Variants in SRCAP observed in about 807,000 individuals in gnomAD.
SRCAP encodes the protein Snf2 related CREBBP activator protein, also known as chromatin remodeling protein SRCAP.
In SRCAP, 46 loss-of-function variants were observed where a neutral mutation model predicts 263.1. That is an observed-to-expected ratio of 0.17 (90% confidence interval 0.14 to 0.22). SRCAP has a LOEUF of 0.22. SRCAP is among the 10% of genes least tolerant of loss of function. SRCAP has a pLI of 1.00. For missense variants in SRCAP, 3,695 were observed against 4,181.9 expected (o/e 0.88, Z 3.21); for synonymous variants, 1,813 against 1,662.1 (o/e 1.09, Z -2.21).
chr16:30,739,883 A>AATGATAC lies in SRCAP; in HGVS notation c.*150_*151insATGATAC. The AATGATAC allele has an allele frequency of 8.0e-7, 1 of 1,252,022 alleles. No individual in the cohort carries two copies. 77.6% of individuals were successfully genotyped at this position (1,252,022 alleles called of 1,614,324 possible). The stretch of plus-strand genomic sequence containing the variant: ...CCTTCTTCCCACCAAAGTAGGGGGT[A>AATGATAC]GGCAACTGGTTGTCATGGAAATGGG... On this transcript the variant is annotated 3_prime_UTR_variant, in exon 34 of 34. Coordinates refer to ENST00000262518, the MANE Select transcript of SRCAP (RefSeq NM_006662.3).
intron 11 of SRCAP, 34 bp downstream of exon 11, chr16:30,711,778 G>A: frequency 4.3e-6 from 7 of 1,610,036 alleles, no homozygotes; most frequent in Non-Finnish European, 5.9e-6. Flanking sequence ...GAGCTGGGGA[G>A]GGTGGCCATT....
intron 18 of SRCAP, among the ~76,000 whole-genome samples, 186 bp downstream of exon 18, chr16:30,716,665 G>A (rs902245770): frequency 6.6e-6 from 1 of 152,126 alleles, no homozygotes; most frequent in Non-Finnish European, 1.5e-5. Context: ...TGACTTCACT[G>A]TGAATTTATC....
chr16:30,719,933 G>A (rs2052993396), intron 18 of SRCAP, among the ~76,000 whole-genome samples: 1 of 152,096 alleles, frequency 6.6e-6, no homozygotes, highest in African/African-American at 2.4e-5. Context: ...TACTCAACTG[G>A]TAGTTTTTCA....
In SRCAP at chr16:30,712,088, A is replaced by G. The variant is rs2151288573; in HGVS notation, c.1746A>G (p.Lys582=). 1 of 1,614,136 alleles carries G rather than the reference A, an allele frequency of 6.2e-7. No homozygotes were observed. Among genetic ancestry groups the G allele is most frequent in the Non-Finnish European group, 8.5e-7 (1 of 1,180,026 alleles). ...TPGPTTLGPK[K]EITDIAAAAE... ...GGCCCACTACTCTAGGTCCAAAGAA[A>G]GAAATTACTGACATTGCTGCAGCAG... Residue 582 remains lysine, a synonymous_variant, in exon 12 of 34, where the codon AAA becomes AAG. Coordinates refer to ENST00000262518, the MANE Select transcript of SRCAP (RefSeq NM_006662.3).
Position 30,729,060 on chromosome 16 carries a change from A to T in SRCAP, c.5753A>T (p.Tyr1918Phe). 6.2e-7 allele frequency: 1 copy of T among 1,614,176 alleles called. No homozygotes were observed. Among genetic ancestry groups the T allele is most frequent in the Non-Finnish European group, 8.5e-7 (1 of 1,180,034 alleles). ...GCTCATGGGGCCCTGGCACCTGTGT[A>T]TGGGACTGAAGTCCTGGATTTCTGT... ...SEAHGALAPVYGTEVLDFCTL... is the reference protein window; with the variant it reads ...SEAHGALAPVFGTEVLDFCTL... The change falls in exon 26 of 34, where the codon TAT (tyrosine) becomes TTT (phenylalanine). Residue 1918 changes from tyrosine (Y) to phenylalanine (F), a missense_variant. Physicochemically the swap from Tyr to Phe is conservative, Grantham distance 22. Transcript: ENST00000262518.
intron 5 of SRCAP, 69 bp from the exon 6 acceptor site, chr16:30,707,503 T>C (rs2052840792): frequency 6.2e-7 from 1 of 1,606,452 alleles, no homozygotes; most frequent in African/African-American, 1.3e-5. Flanking sequence ...TGGCCTTGAT[T>C]ATTTTCTTTG....
chr16:30,716,248 T>A, intron 17 of SRCAP, 45 bp from the exon 18 acceptor site: 1 of 1,613,486 alleles, frequency 6.2e-7, no homozygotes, highest in Non-Finnish European at 8.5e-7. Context: ...GATTGGAGTG[T>A]AGGTGGCTGT....
chr16:30,714,663 G>A (rs937129734), intron 16 of SRCAP, among the ~76,000 whole-genome samples: 1 of 151,944 alleles, frequency 6.6e-6, no homozygotes, highest in Non-Finnish European at 1.5e-5. Flanking sequence ...ACGATGCCTA[G>A]CTAATGTTTG....
intron 25 of SRCAP, among the ~76,000 whole-genome samples, chr16:30,728,146 C>A (rs1039386779): frequency 1.3e-5 from 2 of 152,188 alleles, no homozygotes; most frequent in Non-Finnish European, 2.9e-5. Context: ...TGGAACACTC[C>A]TCTTTTCACA....
At chr16:30,713,901 T>TC (rs1179665786) in intron 16 of SRCAP, among the ~76,000 whole-genome samples, 190 bp downstream of exon 16, 1 of 36,772 alleles carries the variant, frequency 2.7e-5, no homozygotes, top group East Asian at 0.015. Context: ...ATCAATTCTG[T>TC]TTTTTTTTTT....
At chr16:30,706,946 T>C (rs940992259) in intron 4 of SRCAP, among the ~76,000 whole-genome samples, 2 of 152,206 alleles carry the variant, frequency 1.3e-5, no homozygotes, top group African/African-American at 4.8e-5. Flanking sequence ...TTTCTATTAC[T>C]TTCTAGCTGT....
In SRCAP at chr16:30,738,912, G is replaced by A. The variant is rs139049132; in HGVS notation, c.8872G>A (p.Gly2958Arg). The part of the protein sequence containing the change: ...LPIPGTISSA[G>R]DGNSESRTQP... ...CATCCCTGGGACCATTTCCTCTGCAGGGGATGGCAACTCCGAAAGTCGGAC... is the reference window on the plus strand; with the variant it reads ...CATCCCTGGGACCATTTCCTCTGCAAGGGATGGCAACTCCGAAAGTCGGAC... Residue 2958 changes from glycine to arginine, a missense_variant, in exon 34 of 34, where the codon GGG (glycine) becomes AGG (arginine). Physicochemically the swap from Gly to Arg is moderately radical, Grantham distance 125. Coordinates refer to ENST00000262518, the MANE Select transcript of SRCAP (RefSeq NM_006662.3). 1 of 1,614,138 alleles carries A rather than the reference G, an allele frequency of 6.2e-7. No individual in the cohort carries two copies. Among genetic ancestry groups the A allele is most frequent in the Non-Finnish European group, 8.5e-7 (1 of 1,180,026 alleles).
chr16:30,726,826 G>T (rs976082590), intron 25 of SRCAP, among the ~76,000 whole-genome samples: 1 of 152,056 alleles, frequency 6.6e-6, no homozygotes, highest in Non-Finnish European at 1.5e-5. Context: ...TCATCTTCCC[G>T]AGTGGCTGGG....
Position 30,709,971 on chromosome 16 carries a change from G to A in SRCAP, c.977G>A (p.Arg326His), listed in dbSNP as rs778738758. 52 of 1,614,098 alleles carry A rather than the reference G, an allele frequency of 3.2e-5. No homozygotes were observed. The highest frequency in any genetic ancestry group is 1.3e-4 in the South Asian group (12 of 91,086). Residue 326 changes from arginine to histidine, a missense_variant, in exon 8 of 34, where the codon CGT (arginine) becomes CAT (histidine). By Grantham distance (29) the Arg-to-His change is conservative (BLOSUM62 0). Transcript: ENST00000262518. Reference sequence around the variant, plus strand: ...AGGCGTGAGATTGAGCTGCTTCGCCGTGAGGGAGAATTGCCACTGGAAGAG... The same window carrying A: ...AGGCGTGAGATTGAGCTGCTTCGCCATGAGGGAGAATTGCCACTGGAAGAG... ...AQRREIELLR[R>H]EGELPLEELL...
At chr16:30,700,587 CT>C (rs746816750) in intron 2 of SRCAP, 28 bp from the exon 3 acceptor site, 72,808 of 342,046 alleles carry the variant, frequency 0.21, 1,324 homozygotes, top group African/African-American at 0.28. Flanking sequence ...GCATTTCTGT[CT>C]TTTTTTTTTT....
At chr16:30,735,169 C>T (rs1443177630) in intron 31 of SRCAP, among the ~76,000 whole-genome samples, 1 of 115,160 alleles carries the variant, frequency 8.7e-6, no homozygotes. Flanking sequence ...TTTTTTGAGA[C>T]GGAGTCTCGC....
intron 18 of SRCAP, among the ~76,000 whole-genome samples, chr16:30,717,463 T>C (rs1003459136): frequency 5.9e-5 from 9 of 151,980 alleles, no homozygotes; most frequent in Admixed American, 1.3e-4. Flanking sequence ...GTTTTTTTTT[T>C]CGAGACAAGG....
chr16:30,721,510 A>G lies in SRCAP; in HGVS notation c.3541+34A>G, dbSNP rs764418462. The G allele has an allele frequency of 1.9e-6, 3 of 1,595,884 alleles. No individual in the cohort carries two copies. In the South Asian group the frequency reaches 3.3e-5, roughly 18 times the overall value. ...CCAGGGCTCTGTGGTGAGGGACTTG[A>G]GATGGGAGGAAAGCTCAGGACCATG... On this transcript the variant is annotated intron_variant, in intron 21 of 33. Coordinates refer to ENST00000262518, the MANE Select transcript of SRCAP (RefSeq NM_006662.3).
rs769304994 is a variant in SRCAP at position 30,712,761 on chromosome 16, C to T, written c.2076C>T (p.Ser692=). The T allele has an allele frequency of 1.2e-6, 2 of 1,614,164 alleles. No individual in the cohort carries two copies. Among genetic ancestry groups the T allele is most frequent in the East Asian group, 4.5e-5 (2 of 44,882 alleles). Residue 692 remains serine (S), a synonymous_variant, in exon 14 of 34, where the codon AGC becomes AGT. Transcript: ENST00000262518. The stretch of plus-strand genomic sequence containing the variant: ...TGGAGTTGAAACGGTGGTGCCCCAG[C>T]TTTAAAATCCTCACTTACTATGGAG... The part of the protein sequence containing the change: ...WEMELKRWCP[S]FKILTYYGAQ...
Sources: allele counts gnomAD v4.1 joint callset (sites outside exome capture counted in the v4.1 genomes callset), GRCh38; gene constraint gnomAD v4.1.1; transcripts MANE v1.5; gene names NCBI Gene and HGNC (gene_info 2026-07-23, HGNC 2026-07-21).